ZBTB38: variants seen among roughly 807,000 people sequenced by gnomAD.
The protein encoded by ZBTB38 is zinc finger and BTB domain containing 38.
ZBTB38 carries 20 observed loss-of-function variants against 76.8 expected under a neutral mutation model. The observed-to-expected ratio is 0.26, with a 90% confidence interval of 0.18 to 0.38. The LOEUF is 0.38. ZBTB38 is among the 10% of genes least tolerant of loss of function. The pLI, the probability that ZBTB38 is intolerant of heterozygous loss-of-function variation, is 1.00. For synonymous variants in ZBTB38, 504 were observed against 544.2 expected (o/e 0.93, Z 1.03); for missense variants, 1,082 against 1,482.3 (o/e 0.73, Z 4.43).
chr3:141,448,581 C>A lies in ZBTB38; in HGVS notation c.*2605C>A, dbSNP rs1035209050. 1 of 152,266 alleles carries A rather than the reference C, an allele frequency of 6.6e-6. No homozygotes were observed. The highest frequency in any genetic ancestry group is 2.4e-5 in the African/African-American group (1 of 41,420). 9.4% of individuals were successfully genotyped at this position (152,266 alleles called of 1,614,324 possible). On this transcript the variant is annotated 3_prime_UTR_variant, in exon 6 of 6. Transcript: ENST00000321464. ...ATAATGTAACTTGCTGTTTTAGCAT[C>A]TGTATTTTGGTTAGAAGATATTATT...
intron 3 of ZBTB38, among the ~76,000 whole-genome samples, chr3:141,382,620 T>G (rs1421670161): frequency 6.6e-6 from 1 of 152,242 alleles, no homozygotes; most frequent in East Asian, 1.9e-4. Context: ...ATTTTTTGAA[T>G]TATGGCAAAT....
At position 141,360,662 on chromosome 3, in the gene ZBTB38, C is replaced by G. The variant is rs1943793094; in HGVS notation, c.-738-7959C>G. 3.9e-5 allele frequency among the ~76,000 whole-genome samples: 6 copies of G among 152,212 alleles called. No individual in the cohort carries two copies. In the South Asian group the frequency reaches 1.2e-3, roughly 32 times the overall value. The stretch of plus-strand genomic sequence containing the variant: ...ATAAGCTGTAAGTCCCTGGGCAGGT[C>G]CCGTCATTTTTCTAGTCTAGGATTT... On this transcript the variant is annotated intron_variant, in intron 1 of 7. Coordinates refer to the ZBTB38 transcript ENST00000509842.
chr3:141,445,923 G>C lies in ZBTB38; in HGVS notation c.3535G>C (p.Asp1179His), dbSNP rs2081050778. The change falls in exon 6 of 6, where the codon GAC (aspartate) becomes CAC (histidine). Residue 1179 changes from aspartate (D) to histidine (H), a missense_variant. Physicochemically the swap from Asp to His is moderately conservative, Grantham distance 81. This residue lies in a region of ZBTB38 where 54 missense variants were observed against 57.9 expected (regional missense o/e 0.93). Transcript: ENST00000321464. This position sits in a 1 kb window ranked among gnomAD's most constrained non-coding sequence, Gnocchi z 6.5. Reference protein sequence around the residue: ...LENQHFIGSEDNDQKDNIQTG... With the variant: ...LENQHFIGSEHNDQKDNIQTG... ...GAATCAACATTTCATTGGTTCAGAA[G>C]ACAATGACCAAAAGGATAACATACA... The C allele has an allele frequency of 8.7e-6, 14 of 1,605,232 alleles. No individual in the cohort carries two copies. Among genetic ancestry groups the C allele is most frequent in the Non-Finnish European group, 1.0e-5 (12 of 1,179,920 alleles).
intron 5 of ZBTB38, among the ~76,000 whole-genome samples, chr3:141,408,228 C>T (rs1273253817): frequency 6.6e-6 from 1 of 152,210 alleles, no homozygotes; most frequent in Non-Finnish European, 1.5e-5. Flanking sequence ...TATTCTTCAT[C>T]TATCCCAACT....
At chr3:141,425,274 C>T (rs1259951821) in intron 5 of ZBTB38, among the ~76,000 whole-genome samples, 2 of 152,324 alleles carry the variant, frequency 1.3e-5, no homozygotes, top group Admixed American at 1.3e-4. Flanking sequence ...TTAGTCTCCC[C>T]ACCATTCCTT....
intron 1 of ZBTB38, among the ~76,000 whole-genome samples, chr3:141,332,985 A>G (rs182116592): frequency 5.8e-4 from 89 of 152,302 alleles, no homozygotes; most frequent in Non-Finnish European, 9.3e-4. Flanking sequence ...TGTCCTGTAG[A>G]AAGGGGTTTC....
intron 3 of ZBTB38, 119 bp downstream of exon 3, chr3:141,381,606 A>G (rs1430767990): frequency 6.6e-6 from 1 of 152,238 alleles, no homozygotes; most frequent in Non-Finnish European, 1.5e-5. Context: ...TCATTCACCC[A>G]ACCCTTCATT....
chr3:141,385,804 A>G (rs372007944), intron 3 of ZBTB38: 3 of 152,180 alleles, frequency 2.0e-5, no homozygotes, highest in African/African-American at 2.4e-5. Flanking sequence ...CCAATTTATT[A>G]CATACCACCA....
chr3:141,435,700 T>C (rs6440008), intron 5 of ZBTB38, among the ~76,000 whole-genome samples: 62,627 of 151,146 alleles, frequency 0.41, 13,714 homozygotes, highest in African/African-American at 0.55. Flanking sequence ...GCGGAGGTTG[T>C]AGTGAGCCAA....
At chr3:141,336,694 G>A (rs1943024230) in intron 1 of ZBTB38, among the ~76,000 whole-genome samples, 1 of 152,120 alleles carries the variant, frequency 6.6e-6, no homozygotes. Flanking sequence ...TTTTTGTGTT[G>A]TGCGGTTTCT....
At chr3:141,351,155 A>T (rs1397457191) in intron 1 of ZBTB38, among the ~76,000 whole-genome samples, 1 of 152,216 alleles carries the variant, frequency 6.6e-6, no homozygotes, top group Non-Finnish European at 1.5e-5. Flanking sequence ...TGTGCTCAGA[A>T]CTCAGAAAGG....
At chr3:141,340,546 A>G (rs1039609779) in intron 1 of ZBTB38, among the ~76,000 whole-genome samples, 4 of 152,238 alleles carry the variant, frequency 2.6e-5, no homozygotes, top group Non-Finnish European at 5.9e-5. Context: ...TAAAAAAGAC[A>G]GATAACTCAA....
intron 5 of ZBTB38, among the ~76,000 whole-genome samples, chr3:141,417,531 A>C (rs1264192513): frequency 1.3e-5 from 2 of 152,136 alleles, no homozygotes; most frequent in African/African-American, 2.4e-5. Flanking sequence ...TCGATTCTTC[A>C]TCCAAATAGC....
intron 5 of ZBTB38, among the ~76,000 whole-genome samples, chr3:141,416,982 T>C (rs1055490525): frequency 3.9e-5 from 6 of 152,160 alleles, no homozygotes; most frequent in Non-Finnish European, 8.8e-5. Flanking sequence ...AAGTTTGAGG[T>C]AATTTGTTAC....
At chr3:141,382,511 T>G (rs894618624) in intron 3 of ZBTB38, among the ~76,000 whole-genome samples, 1 of 152,224 alleles carries the variant, frequency 6.6e-6, no homozygotes. Flanking sequence ...CACTAGGTTT[T>G]AATAAATACA....
At position 141,443,330 on chromosome 3, in the gene ZBTB38, A is replaced by T; in HGVS notation, c.942A>T (p.Gly314=). 6.2e-7 allele frequency: 1 copy of T among 1,614,238 alleles called. No individual in the cohort carries two copies. The part of the protein sequence containing the change: ...LTRSKSPNNE[G]DVHFSREDEN... ...GTTCAAAATCTCCAAACAATGAAGG[A>T]GATGTCCATTTTTCCAGGGAAGATG... Residue 314 remains glycine (G), a synonymous_variant, in exon 6 of 6, where the codon GGA becomes GGT. Coordinates refer to ENST00000321464, the MANE Select transcript of ZBTB38 (RefSeq NM_001376113.1). The surrounding 1 kb of genome is among the most constrained non-coding windows in gnomAD (Gnocchi z 5.6).
intron 1 of ZBTB38, among the ~76,000 whole-genome samples, chr3:141,332,276 A>T (rs1030418560): frequency 6.6e-6 from 1 of 152,156 alleles, no homozygotes; most frequent in African/African-American, 2.4e-5. Flanking sequence ...CAAATTCATC[A>T]GCTGGCCATT....
chr3:141,327,317 CTA>C (rs1942702853), intron 1 of ZBTB38, among the ~76,000 whole-genome samples: 2 of 152,152 alleles, frequency 1.3e-5, no homozygotes, highest in South Asian at 4.1e-4. Flanking sequence ...CTGACAAACA[CTA>C]TCTTAGCCAG....
At chr3:141,345,736 G>T (rs998852887) in intron 1 of ZBTB38, among the ~76,000 whole-genome samples, 1 of 151,958 alleles carries the variant, frequency 6.6e-6, no homozygotes, top group African/African-American at 2.4e-5. Flanking sequence ...GTCTTGGGGT[G>T]GGAGGTGGGA....
Sources: allele counts gnomAD v4.1 joint callset (sites outside exome capture counted in the v4.1 genomes callset), GRCh38; gene constraint gnomAD v4.1.1; regional missense constraint gnomAD v4.1.1; non-coding constraint Gnocchi (gnomAD v3.1); transcripts MANE v1.5; gene names NCBI Gene and HGNC (gene_info 2026-07-23, HGNC 2026-07-21).